Variants in RASEF observed in about 807,000 individuals in gnomAD.
RASEF encodes the protein ras and EF-hand domain-containing protein.
Under a neutral mutation model 90.1 loss-of-function variants are expected in RASEF, and 68 were observed. The ratio of observed to expected loss-of-function variants is 0.75; its 90% confidence interval spans 0.62 to 0.92. The LOEUF (loss-of-function observed/expected upper bound fraction) is 0.92, where lower values mean the gene tolerates loss of function less well. RASEF is among the 40% of genes least tolerant of loss of function. The pLI, the probability that RASEF is intolerant of heterozygous loss-of-function variation, is 0.00. For synonymous variants in RASEF, 331 were observed against 345.2 expected, an observed-to-expected ratio of 0.96 and a Z score of 0.46; for missense variants, 949 against 937.2, an observed-to-expected ratio of 1.01 and a Z score of -0.16.
the RASEF span, among the ~76,000 whole-genome samples, chr9:83,213,982 G>A: frequency 2.0e-5 from 3 of 152,170 alleles, no homozygotes; most frequent in Non-Finnish European, 4.4e-5. Context: ...CTATTTGAGA[G>A]GCTGAGGTGG....
chr9:83,037,301 T>C (rs2118623882), intron 1 of RASEF, among the ~76,000 whole-genome samples: 1 of 151,288 alleles, frequency 6.6e-6, no homozygotes, highest in Middle Eastern at 3.4e-3. Flanking sequence ...ATCAATGCAA[T>C]GAGATGCTTC....
chr9:83,177,794 A>G, the RASEF span, among the ~76,000 whole-genome samples: 1 of 152,034 alleles, frequency 6.6e-6, no homozygotes. Flanking sequence ...TTTTCTCATG[A>G]AATTTGGGAA....
intron 1 of RASEF, 31 bp from the exon 2 acceptor site, chr9:83,025,952 A>G (rs1829540658): frequency 6.6e-7 from 1 of 1,518,578 alleles, no homozygotes; most frequent in Non-Finnish European, 8.8e-7. Flanking sequence ...AATTAAACCA[A>G]TTATAAAATT....
chr9:83,173,364 C>T, the RASEF span, among the ~76,000 whole-genome samples: 2 of 151,938 alleles, frequency 1.3e-5, no homozygotes, highest in African/African-American at 4.8e-5. Context: ...TTTATGGCCA[C>T]CGACTCAAGA....
At chr9:83,152,265 G>T in the RASEF span, among the ~76,000 whole-genome samples, 5 of 152,192 alleles carry the variant, frequency 3.3e-5, no homozygotes, top group Admixed American at 2.0e-4. Context: ...TAACTATTCT[G>T]AGGTTGGTCC....
intron 9 of RASEF, among the ~76,000 whole-genome samples, chr9:83,003,498 C>A (rs1181338477): frequency 1.3e-5 from 2 of 152,118 alleles, no homozygotes; most frequent in African/African-American, 2.4e-5. Context: ...AAATATTAGT[C>A]AAAAATGACA....
intron 1 of RASEF, among the ~76,000 whole-genome samples, chr9:83,056,081 C>T (rs549690457): frequency 9.7e-4 from 147 of 152,284 alleles, no homozygotes; most frequent in Non-Finnish European, 1.8e-3. Context: ...GAAACATTTG[C>T]ACTACTGGAG....
chr9:83,148,793 G>A, the RASEF span, among the ~76,000 whole-genome samples: 1 of 152,162 alleles, frequency 6.6e-6, no homozygotes, highest in African/African-American at 2.4e-5. Flanking sequence ...ACAATCCCAT[G>A]CTAATGAGAT....
intron 1 of RASEF, among the ~76,000 whole-genome samples, chr9:83,042,645 T>C (rs1829862124): frequency 2.0e-5 from 3 of 151,896 alleles, no homozygotes; most frequent in Non-Finnish European, 4.4e-5. Context: ...AAACTACAAA[T>C]AATATTATAA....
rs751691782 is a variant in RASEF, at chr9:83,062,459, C to T, written c.409G>A (p.Asp137Asn). 9 of 1,613,010 alleles carry T rather than the reference C, an allele frequency of 5.6e-6. No individual in the cohort carries two copies. Among genetic ancestry groups the T allele is most frequent in the Non-Finnish European group, 7.6e-6 (9 of 1,179,690 alleles). Residue 137 changes from aspartate to asparagine, a missense_variant, in exon 1 of 17, where the codon GAC (aspartate) becomes AAC (asparagine). Asp to Asn is a conservative substitution (Grantham distance 23). Around this residue, in one of 3 missense-constraint regions of RASEF, gnomAD observed 656 missense variants for 592.2 expected, o/e 1.11. Coordinates refer to ENST00000376447, the MANE Select transcript of RASEF (RefSeq NM_152573.4). ...AWQDFQARLG[D>N]EAKFIPREEQ... ...CACCTGGGAATGAACTTGGCTTCGTCCCCAAGTCGCGCCTGGAAATCCTGC... is the reference window on the plus strand; with the variant it reads ...CACCTGGGAATGAACTTGGCTTCGTTCCCAAGTCGCGCCTGGAAATCCTGC...
chr9:83,033,015 A>G (rs1189548259), intron 1 of RASEF, among the ~76,000 whole-genome samples: 1 of 152,222 alleles, frequency 6.6e-6, no homozygotes, highest in Non-Finnish European at 1.5e-5. Flanking sequence ...TAGGGTGCTT[A>G]GGAAAACTGG....
chr9:82,993,881 G>A (rs1828859524), intron 14 of RASEF, among the ~76,000 whole-genome samples: 1 of 152,196 alleles, frequency 6.6e-6, no homozygotes, highest in Non-Finnish European at 1.5e-5. Context: ...CTCCTTGTCT[G>A]TAAAATGAAG....
chr9:82,997,759 T>C (rs935423155), intron 13 of RASEF, among the ~76,000 whole-genome samples: 6 of 152,158 alleles, frequency 3.9e-5, no homozygotes, highest in Non-Finnish European at 5.9e-5. Flanking sequence ...ATGAGCACCA[T>C]GGGGGCAGGT....
At chr9:83,022,673 G>T (rs1293075551) in intron 2 of RASEF, among the ~76,000 whole-genome samples, 1 of 152,164 alleles carries the variant, frequency 6.6e-6, no homozygotes, top group Non-Finnish European at 1.5e-5. Context: ...TATGAGAAAT[G>T]TGTCTTTAGG....
chr9:83,195,966 T>C, the RASEF span, among the ~76,000 whole-genome samples: 1 of 152,054 alleles, frequency 6.6e-6, no homozygotes, highest in Non-Finnish European at 1.5e-5. Context: ...GGGCGGCTCC[T>C]GGGATAATCT....
chr9:83,131,126 G>A, the RASEF span, among the ~76,000 whole-genome samples: 5 of 152,242 alleles, frequency 3.3e-5, no homozygotes, highest in East Asian at 1.9e-4. Flanking sequence ...ACCCTAGGGC[G>A]TTTCTTCAAA....
chr9:83,009,711 T>C lies in RASEF; in HGVS notation c.889A>G (p.Ile297Val), dbSNP rs760964639. The C allele has an allele frequency of 2.7e-5, 44 of 1,613,608 alleles. No homozygotes were observed. In the South Asian group the frequency reaches 3.6e-4, roughly 13 times the overall value. Residue 297 changes from isoleucine (I) to valine (V), a missense_variant, in exon 6 of 17, where the codon ATA becomes GTA. Transcript: ENST00000376447. ...KKDLLEAQTN[I>V]AFLQSELDAL... Reference sequence around the variant, plus strand: ...TCTAACTCACTCTGAAGAAAGGCTATGTTTGTCTGTGCTTCTAAAAGGTCT... The same window carrying C: ...TCTAACTCACTCTGAAGAAAGGCTACGTTTGTCTGTGCTTCTAAAAGGTCT...
the RASEF span, among the ~76,000 whole-genome samples, chr9:83,210,927 A>G: frequency 1.3e-5 from 2 of 152,232 alleles, no homozygotes; most frequent in Non-Finnish European, 2.9e-5. Flanking sequence ...GTAAGTTGCC[A>G]ACCTAATAGT....
the RASEF span, among the ~76,000 whole-genome samples, chr9:83,151,030 A>T: frequency 3.0e-3 from 463 of 152,300 alleles, no homozygotes; most frequent in Non-Finnish European, 4.5e-3. Flanking sequence ...AAATGAACTA[A>T]TTTGAAGCTG....
Sources: allele counts gnomAD v4.1 joint callset (sites outside exome capture counted in the v4.1 genomes callset), GRCh38; gene constraint gnomAD v4.1.1; regional missense constraint gnomAD v4.1.1; transcripts MANE v1.5; gene names NCBI Gene and HGNC (gene_info 2026-07-23, HGNC 2026-07-21).